ARHGEF28: variants seen among roughly 807,000 people sequenced by gnomAD.
ARHGEF28 encodes Rho guanine nucleotide exchange factor 28, also known as 190 kDa guanine nucleotide exchange factor.
ARHGEF28 carries 152 observed loss-of-function variants against 206.6 expected under a neutral mutation model. That is an observed-to-expected ratio of 0.74 (90% CI 0.64 to 0.84). The LOEUF (loss-of-function observed/expected upper bound fraction) is 0.84, where lower values mean the gene tolerates loss of function less well. Among genes scored for constraint, ARHGEF28 ranks in the 40% least tolerant of loss-of-function variants. ARHGEF28 has a pLI of 0.00. For synonymous variants in ARHGEF28, 763 were observed against 776.4 expected, an observed-to-expected ratio of 0.98 and a Z score of 0.29; for missense variants, 2,028 against 2,073.2, an observed-to-expected ratio of 0.98 and a Z score of 0.42.
chr5:73,845,296 G>A lies in ARHGEF28; in HGVS notation c.1428-972G>A, dbSNP rs141620540. Reference sequence around the variant, plus strand: ...CTCCCAAAGTGTTGGGATTACAGGCGTGAGCCACTGCGCCCAGCCTCAGAA... The same window carrying A: ...CTCCCAAAGTGTTGGGATTACAGGCATGAGCCACTGCGCCCAGCCTCAGAA... On this transcript the variant is annotated intron_variant, in intron 11 of 35. Coordinates refer to ENST00000513042, the MANE Select transcript of ARHGEF28 (RefSeq NM_001177693.2). 2.6e-3 allele frequency among the ~76,000 whole-genome samples: 392 copies of A among 152,222 alleles called. 3 individuals are homozygous for A. Among genetic ancestry groups the A allele is most frequent in the African/African-American group, 9.1e-3 (379 of 41,524 alleles).
In ARHGEF28 at chr5:73,749,940, T is replaced by C. The variant is rs778712983; in HGVS notation, c.137T>C (p.Ile46Thr). 5.0e-6 allele frequency: 8 copies of C among 1,614,018 alleles called. No homozygotes were observed. The South Asian group carries it at 7.7e-5, about 16-fold the overall frequency. Residue 46 changes from isoleucine (I) to threonine (T), a missense_variant, in exon 3 of 36, where the codon ATT (isoleucine) becomes ACT (threonine). Physicochemically the swap from Ile to Thr is moderately conservative, Grantham distance 89. Transcript: ENST00000513042. Reference sequence around the variant, plus strand: ...GGATCTCATCAGCGACATGTCATGATTGCAGAGCGCATCGAGGATAACGTT... The same window carrying C: ...GGATCTCATCAGCGACATGTCATGACTGCAGAGCGCATCGAGGATAACGTT... ...YDGSHQRHVMIAERIEDNVLQ... is the reference protein window; with the variant it reads ...YDGSHQRHVMTAERIEDNVLQ...
At chr5:73,849,921 G>A (rs1758597150) in intron 13 of ARHGEF28, among the ~76,000 whole-genome samples, 1 of 151,750 alleles carries the variant, frequency 6.6e-6, no homozygotes, top group African/African-American at 2.4e-5. Context: ...ATGTCTTAGA[G>A]AATATCTTTA....
At chr5:73,665,199 CT>C (rs1022764174) in intron 1 of ARHGEF28, among the ~76,000 whole-genome samples, 6 of 152,160 alleles carry the variant, frequency 3.9e-5, no homozygotes, top group African/African-American at 1.4e-4. Context: ...AACAATTTGC[CT>C]CACATCCCTT....
intron 2 of ARHGEF28, among the ~76,000 whole-genome samples, chr5:73,733,819 G>C (rs1374800458): frequency 1.3e-5 from 2 of 152,042 alleles, no homozygotes; most frequent in African/African-American, 4.8e-5. Flanking sequence ...TGTGTAACTG[G>C]CTCACAGTTC....
At chr5:73,838,047 A>G (rs2112570826) in intron 10 of ARHGEF28, among the ~76,000 whole-genome samples, 1 of 152,254 alleles carries the variant, frequency 6.6e-6, no homozygotes. Flanking sequence ...CCAAGATATA[A>G]TTTTTATTCT....
At chr5:73,917,478 C>T (rs778056810) in intron 35 of ARHGEF28, among the ~76,000 whole-genome samples, 5 of 152,224 alleles carry the variant, frequency 3.3e-5, no homozygotes, top group Non-Finnish European at 5.9e-5. Context: ...ATGACATTCG[C>T]TTGTAGAGCC....
At chr5:73,684,702 C>T in intron 1 of ARHGEF28, 139 bp from the exon 2 acceptor site, 1 of 556,660 alleles carries the variant, frequency 1.8e-6, no homozygotes, top group Non-Finnish European at 3.1e-6. Flanking sequence ...GTCCTTTATT[C>T]TTTCATATTT....
At chr5:73,689,779 C>CA (rs144520601) in intron 2 of ARHGEF28, among the ~76,000 whole-genome samples, 2,816 of 140,178 alleles carry the variant, frequency 0.02, 62 homozygotes, top group South Asian at 0.062. Context: ...AAAGAAAAAA[C>CA]AAAAAAAAAA....
chr5:73,901,962 G>A (rs1762295075), intron 31 of ARHGEF28: 1 of 152,136 alleles, frequency 6.6e-6, no homozygotes, highest in Admixed American at 6.5e-5. Flanking sequence ...TATGATTCTG[G>A]GAGGTGGCTA....
At chr5:73,725,434 T>C (rs1041590535) in intron 2 of ARHGEF28, among the ~76,000 whole-genome samples, 3 of 152,232 alleles carry the variant, frequency 2.0e-5, no homozygotes, top group Admixed American at 1.3e-4. Flanking sequence ...AGAATGTTGG[T>C]CCACTGGACG....
chr5:73,671,818 C>T (rs959708304), intron 1 of ARHGEF28, among the ~76,000 whole-genome samples: 3 of 100,292 alleles, frequency 3.0e-5, no homozygotes, highest in Non-Finnish European at 4.2e-5. Flanking sequence ...TGCAGTGGCG[C>T]GATCTCAGCT....
At chr5:73,706,647 A>G (rs1370013342) in intron 2 of ARHGEF28, among the ~76,000 whole-genome samples, 1 of 152,226 alleles carries the variant, frequency 6.6e-6, no homozygotes, top group Non-Finnish European at 1.5e-5. Context: ...AGAAAATGAT[A>G]CTTAGTTTTA....
chr5:73,801,599 G>T (rs906704854), intron 9 of ARHGEF28, among the ~76,000 whole-genome samples: 1 of 152,034 alleles, frequency 6.6e-6, no homozygotes, highest in Non-Finnish European at 1.5e-5. Context: ...AGAATGTTTC[G>T]TGAAACATGG....
intron 4 of ARHGEF28, among the ~76,000 whole-genome samples, chr5:73,755,187 A>T (rs1054338482): frequency 6.6e-6 from 1 of 151,698 alleles, no homozygotes; most frequent in Non-Finnish European, 1.5e-5. Context: ...ATAAATTTAT[A>T]TATCTATGAT....
intron 35 of ARHGEF28, among the ~76,000 whole-genome samples, chr5:73,928,575 A>G (rs1049564784): frequency 5.9e-5 from 9 of 152,322 alleles, no homozygotes; most frequent in African/African-American, 2.2e-4. Flanking sequence ...AAAGAAAAAC[A>G]TTGCATCTTG....
chr5:73,885,798 C>T lies in ARHGEF28; in HGVS notation c.3056-52C>T, dbSNP rs537350070. 1.3e-5 allele frequency: 20 copies of T among 1,522,784 alleles called. 1 individual carries two copies. The highest frequency in any genetic ancestry group is 1.3e-4 in the African/African-American group (9 of 71,786). The allele number at this position is 1,522,784 out of a possible 1,614,324, so 94.3% of individuals were successfully genotyped here. Reference sequence around the variant, plus strand: ...AAAGAAGAAGTTTTCTTCCTTAGTACTCTGGTTTATTGTATAGTATTTTTG... The same window carrying T: ...AAAGAAGAAGTTTTCTTCCTTAGTATTCTGGTTTATTGTATAGTATTTTTG... On this transcript the variant is annotated intron_variant, in intron 24 of 35. Coordinates refer to ENST00000513042, the MANE Select transcript of ARHGEF28 (RefSeq NM_001177693.2).
intron 7 of ARHGEF28, among the ~76,000 whole-genome samples, chr5:73,783,158 T>A (rs528298318): frequency 6.6e-6 from 1 of 152,272 alleles, no homozygotes; most frequent in African/African-American, 2.4e-5. Context: ...CAGGAGTTAT[T>A]TGCAAGTAGC....
At chr5:73,775,075 G>A (rs72770872) in intron 5 of ARHGEF28, among the ~76,000 whole-genome samples, 1 of 152,198 alleles carries the variant, frequency 6.6e-6, no homozygotes, top group Non-Finnish European at 1.5e-5. Context: ...CTATCTGGAG[G>A]GAATTGTCCT....
chr5:73,755,211 A>G (rs992710144), intron 4 of ARHGEF28, among the ~76,000 whole-genome samples: 3 of 151,892 alleles, frequency 2.0e-5, no homozygotes, highest in African/African-American at 7.2e-5. Flanking sequence ...TATTGTCTAT[A>G]TCTAAATATT....
Sources: allele counts gnomAD v4.1 joint callset (sites outside exome capture counted in the v4.1 genomes callset), GRCh38; gene constraint gnomAD v4.1.1; transcripts MANE v1.5; gene names NCBI Gene and HGNC (gene_info 2026-07-23, HGNC 2026-07-21).